The following NCAM2 variants were observed in gnomAD, a reference collection of about 807,000 sequenced individuals.
NCAM2 encodes N-CAM-2.
A neutral mutation model predicts 98.1 loss-of-function variants in NCAM2; 30 were observed. The ratio of observed to expected loss-of-function variants is 0.31; its 90% CI spans 0.23 to 0.41. The LOEUF is 0.41. Among genes scored for constraint, NCAM2 ranks in the 10% least tolerant of loss-of-function variants. The pLI, the probability that NCAM2 is intolerant of heterozygous loss-of-function variation, is 1.00. For missense variants in NCAM2, 867 were observed against 1,005.8 expected (o/e 0.86, Z 1.87); for synonymous variants, 368 against 342.4 (o/e 1.07, Z -0.83).
At chr21:21,534,131 T>A in intron 16 of NCAM2, among the ~76,000 whole-genome samples, 1 of 152,154 alleles carries the variant, frequency 6.6e-6, no homozygotes, top group South Asian at 2.1e-4. Flanking sequence ...TTCTTTTTTA[T>A]TATTTTAAAA....
chr21:21,509,231 T>C (rs1602526445), intron 16 of NCAM2, among the ~76,000 whole-genome samples, 176 bp downstream of exon 16: 1 of 152,184 alleles, frequency 6.6e-6, no homozygotes, highest in East Asian at 1.9e-4. Flanking sequence ...ATATATAACC[T>C]AGAACAAAGT....
intron 15 of NCAM2, among the ~76,000 whole-genome samples, chr21:21,505,042 C>G (rs1987894100): frequency 6.6e-6 from 1 of 151,720 alleles, no homozygotes; most frequent in South Asian, 2.1e-4. Flanking sequence ...TAACACAAAC[C>G]TATTTGAAGT....
At chr21:21,240,184 G>A (rs2071008558) in intron 1 of NCAM2, among the ~76,000 whole-genome samples, 1 of 151,976 alleles carries the variant, frequency 6.6e-6, no homozygotes, top group African/African-American at 2.4e-5. Context: ...GTTTTAAAAG[G>A]GACTATGTCA....
chr21:21,285,326 C>T (rs1022631768), intron 3 of NCAM2, among the ~76,000 whole-genome samples: 5 of 151,806 alleles, frequency 3.3e-5, no homozygotes, highest in Admixed American at 6.6e-5. Context: ...AAAACAAAGT[C>T]GGAACATTCC....
intron 1 of NCAM2, among the ~76,000 whole-genome samples, chr21:21,047,493 AAAAC>A (rs1016421930): frequency 6.6e-6 from 1 of 152,238 alleles, no homozygotes; most frequent in Non-Finnish European, 1.5e-5. Context: ...ACAAAAAAGA[AAAAC>A]AAGAAAGTAT....
intron 1 of NCAM2, among the ~76,000 whole-genome samples, chr21:21,262,118 A>G (rs1339176959): frequency 6.6e-6 from 1 of 152,168 alleles, no homozygotes; most frequent in African/African-American, 2.4e-5. Flanking sequence ...GGAAATGTAT[A>G]AATTCCTGGA....
At chr21:21,097,165 C>T (rs2066141475) in intron 1 of NCAM2, among the ~76,000 whole-genome samples, 1 of 151,716 alleles carries the variant, frequency 6.6e-6, no homozygotes, top group Non-Finnish European at 1.5e-5. Flanking sequence ...TTCCCTTCTG[C>T]ACGTGAATTG....
chr21:21,325,729 G>A (rs2147803650), intron 6 of NCAM2, among the ~76,000 whole-genome samples: 1 of 152,112 alleles, frequency 6.6e-6, no homozygotes, highest in Non-Finnish European at 1.5e-5. Context: ...TTTTCCTATG[G>A]TTTTGTATTT....
At chr21:21,089,958 A>G (rs2065979314) in intron 1 of NCAM2, among the ~76,000 whole-genome samples, 1 of 152,172 alleles carries the variant, frequency 6.6e-6, no homozygotes, top group African/African-American at 2.4e-5. Context: ...GAACACCAAC[A>G]CAGTCACCCA....
At chr21:21,032,802 T>G (rs914610765) in intron 1 of NCAM2, among the ~76,000 whole-genome samples, 4 of 152,232 alleles carry the variant, frequency 2.6e-5, no homozygotes, top group African/African-American at 9.6e-5. Flanking sequence ...AGGAACAAGC[T>G]CATCAGTATT....
intron 1 of NCAM2, among the ~76,000 whole-genome samples, chr21:21,274,627 A>G (rs1399577696): frequency 1.3e-5 from 2 of 152,326 alleles, no homozygotes; most frequent in East Asian, 3.9e-4. Context: ...GCTATAATCA[A>G]TAATTTATAA....
intron 1 of NCAM2, among the ~76,000 whole-genome samples, chr21:21,142,826 A>C (rs2067198145): frequency 6.6e-6 from 1 of 152,204 alleles, no homozygotes; most frequent in South Asian, 2.1e-4. Flanking sequence ...GGTTATAAAA[A>C]CCATAATTAA....
chr21:21,303,402 TTCAC>T (rs1405418457), intron 5 of NCAM2, among the ~76,000 whole-genome samples: 1 of 152,092 alleles, frequency 6.6e-6, no homozygotes, highest in African/African-American at 2.4e-5. Flanking sequence ...TTACCCTTTT[TTCAC>T]TCAAAAATTA....
At chr21:21,122,122 CAGCAAATACTGTTAGATT>C (rs2066688641) in intron 1 of NCAM2, among the ~76,000 whole-genome samples, 1 of 151,466 alleles carries the variant, frequency 6.6e-6, no homozygotes, top group Non-Finnish European at 1.5e-5. Flanking sequence ...ATATCAAAGG[CAGCAAATACTGTTAGATT>C]AGGAAAAGAA....
At chr21:21,039,521 C>T (rs937635360) in intron 1 of NCAM2, among the ~76,000 whole-genome samples, 2 of 152,160 alleles carry the variant, frequency 1.3e-5, no homozygotes, top group Non-Finnish European at 2.9e-5. Flanking sequence ...TTGATTATTA[C>T]ACAGTCTATA....
chr21:21,272,897 T>C (rs2072572682), intron 1 of NCAM2, among the ~76,000 whole-genome samples: 1 of 129,440 alleles, frequency 7.7e-6, no homozygotes, highest in Non-Finnish European at 1.6e-5. Flanking sequence ...TTAGCAAATA[T>C]GTTTCCAGAC....
At chr21:21,236,844 T>A (rs1808977810) in intron 1 of NCAM2, among the ~76,000 whole-genome samples, 1 of 151,952 alleles carries the variant, frequency 6.6e-6, no homozygotes, top group Non-Finnish European at 1.5e-5. Flanking sequence ...TTCCCTAATA[T>A]CCACAATATC....
Position 21,508,840 on chromosome 21 carries a change from T to TTTTA in NCAM2, c.2078-11_2078-10insTTTA. On this transcript the variant is annotated splice_polypyrimidine_tract_variant and intron_variant, in intron 15 of 17. Transcript: ENST00000400546. ...TTTTTTTTTTTTTTTTTTTTTTTTT[T>TTTTA]ACTTTTTAAGACACGCTGTTTAATG... The TTTTA allele has an allele frequency of 1.1e-6, 1 of 913,584 alleles. No homozygotes were observed. The highest frequency in any genetic ancestry group is 1.5e-6 in the Non-Finnish European group (1 of 679,108). 56.6% of individuals were successfully genotyped at this position (913,584 alleles called of 1,614,324 possible).
intron 1 of NCAM2, among the ~76,000 whole-genome samples, chr21:21,074,499 T>A (rs1282671117): frequency 2.0e-5 from 3 of 152,222 alleles, no homozygotes; most frequent in Non-Finnish European, 2.9e-5. Flanking sequence ...AAAGTCACCA[T>A]GAAGGTTTAC....
Sources: allele counts gnomAD v4.1 joint callset (sites outside exome capture counted in the v4.1 genomes callset), GRCh38; gene constraint gnomAD v4.1.1; transcripts MANE v1.5; gene names NCBI Gene and HGNC (gene_info 2026-07-23, HGNC 2026-07-21).